Variants in MIPEP observed in about 807,000 individuals in gnomAD.
MIPEP encodes the protein mitochondrial intermediate peptidase.
In MIPEP, 79 loss-of-function variants were observed where a neutral mutation model predicts 90.3. The ratio of observed to expected loss-of-function variants is 0.87; its 90% confidence interval spans 0.73 to 1.05. MIPEP has a LOEUF of 1.05. Ranked by LOEUF, MIPEP falls within the 50% of genes least tolerant of loss-of-function variation. The probability of loss-of-function intolerance (pLI) is 0.00; values close to 1 mark genes in which losing one functional copy is unlikely to be tolerated. For missense variants in MIPEP, 940 were observed against 905.6 expected, an observed-to-expected ratio of 1.04 and a Z score of -0.49; for synonymous variants, 334 against 315.8, an observed-to-expected ratio of 1.06 and a Z score of -0.61.
chr13:23,767,418 TC>T (rs1448803128), intron 16 of MIPEP, among the ~76,000 whole-genome samples: 6 of 152,130 alleles, frequency 3.9e-5, no homozygotes, highest in African/African-American at 1.4e-4. Context: ...ATACCTTGTG[TC>T]TTTGTGAAAA....
chr13:23,880,226 G>A (rs1871220981), intron 3 of MIPEP, among the ~76,000 whole-genome samples: 1 of 152,052 alleles, frequency 6.6e-6, no homozygotes, highest in South Asian at 2.1e-4. Context: ...AAATACTAGT[G>A]AAACGTAGAT....
chr13:23,832,353 T>C (rs1038148384), intron 14 of MIPEP, among the ~76,000 whole-genome samples: 30 of 152,054 alleles, frequency 2.0e-4, no homozygotes, highest in African/African-American at 7.0e-4. Context: ...CCTCCATAAC[T>C]GTAAAAAATA....
In MIPEP at chr13:23,858,859, C is replaced by T; in HGVS notation, c.1106+1G>A. On this transcript the variant is annotated splice_donor_variant, in intron 10 of 18. Coordinates refer to ENST00000382172, the MANE Select transcript of MIPEP (RefSeq NM_005932.4). LOFTEE classifies it high-confidence loss of function. ...GTACGGGTATTTCTTGAAAAACTTA[C>T]CTTTCTGCACGAATCACACCACTGT... The T allele has an allele frequency of 1.9e-6, 3 of 1,613,360 alleles. No homozygotes were observed. The highest frequency in any genetic ancestry group is 2.2e-5 in the East Asian group (1 of 44,878).
rs139994028 is a variant in MIPEP, at chr13:23,870,260, A to T, written c.604-65T>A. ...GAATTAATATTTCACAATTTAATAA[A>T]CAAAATATAAATATGTCAAATCAAC... On this transcript the variant is annotated intron_variant, in intron 5 of 18. Transcript: ENST00000382172. 819 of 1,083,718 alleles carry T rather than the reference A, an allele frequency of 7.6e-4. 4 individuals are homozygous for T. In the African/African-American group the frequency reaches 0.013, roughly 17 times the overall value. 67.1% of individuals were successfully genotyped at this position (1,083,718 alleles called of 1,614,324 possible).
chr13:23,749,575 G>C (rs774935041), intron 18 of MIPEP, among the ~76,000 whole-genome samples: 10 of 152,184 alleles, frequency 6.6e-5, no homozygotes, highest in Non-Finnish European at 1.3e-4. Flanking sequence ...ATTCTGTACA[G>C]AGTCCTTCGC....
chr13:23,771,435 A>G (rs115241719), intron 16 of MIPEP, among the ~76,000 whole-genome samples: 324 of 152,244 alleles, frequency 2.1e-3, no homozygotes, highest in African/African-American at 7.5e-3. Context: ...TTACATCTGT[A>G]AGTTCAAATT....
chr13:23,762,812 C>T (rs1046512022), intron 16 of MIPEP, among the ~76,000 whole-genome samples: 2 of 152,160 alleles, frequency 1.3e-5, no homozygotes, highest in Non-Finnish European at 2.9e-5. Flanking sequence ...ATGCCACCCC[C>T]AAACAGTACC....
intron 14 of MIPEP, among the ~76,000 whole-genome samples, chr13:23,822,145 A>G (rs1194861703): frequency 6.6e-6 from 1 of 152,228 alleles, no homozygotes; most frequent in Non-Finnish European, 1.5e-5. Flanking sequence ...GGTTTTTTAA[A>G]ATAGGAAAAT....
In MIPEP at chr13:23,737,921, T is replaced by A. The variant is rs1252713300; in HGVS notation, c.2045-7476A>T. On this transcript the variant is annotated intron_variant, in intron 18 of 18. Coordinates refer to ENST00000382172, the MANE Select transcript of MIPEP (RefSeq NM_005932.4). ...GCTTGGAAGAAGAAGAATAGGTACA[T>A]CTTTTCTTTGAGTCTATTTTATATA... is the stretch of plus-strand genomic sequence containing the variant. Among the ~76,000 whole-genome samples the A allele has an allele frequency of 5.3e-5, 8 of 152,188 alleles. No homozygotes were observed. In the East Asian group the frequency reaches 1.5e-3, roughly 29 times the overall value.
intron 18 of MIPEP, among the ~76,000 whole-genome samples, chr13:23,747,031 A>G (rs1952391035): frequency 6.6e-6 from 1 of 152,238 alleles, no homozygotes; most frequent in African/African-American, 2.4e-5. Flanking sequence ...TCAAGAGTCT[A>G]TGGCTAAGAG....
chr13:23,774,987 G>A (rs58099550), intron 16 of MIPEP, among the ~76,000 whole-genome samples: 31,648 of 151,364 alleles, frequency 0.21, 3,923 homozygotes, highest in East Asian at 0.43. Context: ...GTAGAGACAG[G>A]GGGGTTTTGC....
At chr13:23,760,035 G>T in intron 17 of MIPEP, 61 bp downstream of exon 17, 2 of 1,605,908 alleles carry the variant, frequency 1.2e-6, no homozygotes, top group Non-Finnish European at 1.7e-6. Flanking sequence ...ACTTCCAGAT[G>T]TAATAGAGTG....
At chr13:23,775,450 C>T (rs543209784) in intron 16 of MIPEP, among the ~76,000 whole-genome samples, 27 of 152,144 alleles carry the variant, frequency 1.8e-4, no homozygotes, top group Non-Finnish European at 3.4e-4. Context: ...TCCGCAGTTA[C>T]TGCCAATCAA....
At chr13:23,850,574 C>G (rs921615806) in intron 10 of MIPEP, among the ~76,000 whole-genome samples, 2 of 152,140 alleles carry the variant, frequency 1.3e-5, no homozygotes, top group Non-Finnish European at 2.9e-5. Context: ...TAACAGAAAT[C>G]AAAGCTAAAG....
chr13:23,846,263 T>C (rs1185333999), intron 10 of MIPEP, among the ~76,000 whole-genome samples: 1 of 152,154 alleles, frequency 6.6e-6, no homozygotes, highest in African/African-American at 2.4e-5. Flanking sequence ...TGCCAACATT[T>C]ACTGGATCTC....
intron 16 of MIPEP, among the ~76,000 whole-genome samples, chr13:23,775,109 C>CTGTGTGTG (rs57354012): frequency 0.012 from 1,732 of 149,018 alleles, 27 homozygotes; most frequent in East Asian, 0.026. Flanking sequence ...TATCAGTTCT[C>CTGTGTGTG]TGTGTGTGTG....
chr13:23,794,255 A>G (rs1952932453), intron 16 of MIPEP, among the ~76,000 whole-genome samples: 1 of 152,156 alleles, frequency 6.6e-6, no homozygotes, highest in Non-Finnish European at 1.5e-5. Context: ...AGAGAAAGGG[A>G]CCTGAGGAGG....
chr13:23,743,764 T>C (rs1239879951), intron 18 of MIPEP, among the ~76,000 whole-genome samples: 1 of 152,230 alleles, frequency 6.6e-6, no homozygotes, highest in Non-Finnish European at 1.5e-5. Context: ...GCTCAGTGTC[T>C]TCCTTAAACA....
At chr13:23,848,187 A>G (rs1869630064) in intron 10 of MIPEP, among the ~76,000 whole-genome samples, 1 of 152,210 alleles carries the variant, frequency 6.6e-6, no homozygotes, top group South Asian at 2.1e-4. Flanking sequence ...AAACACATGC[A>G]ATGAACCTGG....
Sources: gnomAD v4.1 joint callset for allele counts (sites outside exome capture counted in the v4.1 genomes callset) on GRCh38, gnomAD v4.1.1 for gene constraint, MANE v1.5 for transcripts, NCBI Gene and HGNC (gene_info 2026-07-23, HGNC 2026-07-21) for gene names.